MAGI2: variants seen among roughly 807,000 people sequenced by gnomAD.
MAGI2 encodes the protein membrane associated guanylate kinase, WW and PDZ domain containing 2, also known as membrane-associated guanylate kinase, WW and PDZ domain-containing protein 2.
Under a neutral mutation model 133.3 loss-of-function variants are expected in MAGI2, and 35 were observed. The ratio of observed to expected loss-of-function variants is 0.26; its 90% confidence interval spans 0.20 to 0.35. MAGI2 has a LOEUF of 0.35. Ranked by LOEUF, MAGI2 falls within the 10% of genes least tolerant of loss-of-function variation. MAGI2 has a pLI of 1.00. For missense variants in MAGI2, 1,636 were observed against 1,863.4 expected (o/e 0.88, Z 2.25); for synonymous variants, 729 against 710.6 (o/e 1.03, Z -0.41).
chr7:79,382,714 C>T (rs1345665362), intron 1 of MAGI2, among the ~76,000 whole-genome samples: 1 of 151,498 alleles, frequency 6.6e-6, no homozygotes, highest in South Asian at 2.1e-4. Context: ...AATAAATATA[C>T]GTTGACAATA....
chr7:79,289,753 C>A (rs1482227141), intron 1 of MAGI2, among the ~76,000 whole-genome samples: 1 of 152,104 alleles, frequency 6.6e-6, no homozygotes, highest in African/African-American at 2.4e-5. Context: ...GCAGTTAGAG[C>A]AGGAAATCTG....
At chr7:78,959,204 G>A (rs551887522) in intron 2 of MAGI2, among the ~76,000 whole-genome samples, 3 of 152,096 alleles carry the variant, frequency 2.0e-5, no homozygotes, top group Non-Finnish European at 4.4e-5. Context: ...AGACACCTTA[G>A]GCAACTCAGC....
At chr7:78,898,572 A>G (rs1797382447) in intron 2 of MAGI2, among the ~76,000 whole-genome samples, 2 of 152,198 alleles carry the variant, frequency 1.3e-5, no homozygotes, top group South Asian at 4.1e-4. Context: ...CAAATACTGC[A>G]TATTCTCACT....
At chr7:78,204,827 A>G (rs1251952817) in intron 10 of MAGI2, among the ~76,000 whole-genome samples, 1 of 152,240 alleles carries the variant, frequency 6.6e-6, no homozygotes, top group Non-Finnish European at 1.5e-5. Flanking sequence ...GAATAAATGG[A>G]AAAATTTAGA....
intron 3 of MAGI2, among the ~76,000 whole-genome samples, chr7:78,606,822 C>A (rs1002918210): frequency 3.1e-5 from 3 of 97,142 alleles, no homozygotes; most frequent in Non-Finnish European, 4.9e-5. Flanking sequence ...GTTTACCATG[C>A]CCTCCCACAA....
At chr7:78,307,943 AAAT>A (rs1163887514) in intron 9 of MAGI2, among the ~76,000 whole-genome samples, 4 of 152,164 alleles carry the variant, frequency 2.6e-5, no homozygotes, top group Non-Finnish European at 5.9e-5. Context: ...CAGCTAGGTG[AAAT>A]AATAAGGGAC....
At chr7:78,073,436 T>C (rs890940349) in intron 21 of MAGI2, among the ~76,000 whole-genome samples, 1 of 151,996 alleles carries the variant, frequency 6.6e-6, no homozygotes, top group Non-Finnish European at 1.5e-5. Flanking sequence ...CACTTACAAC[T>C]GGACTCTCTT....
intron 2 of MAGI2, among the ~76,000 whole-genome samples, chr7:78,758,684 T>A (rs950308970): frequency 6.6e-6 from 1 of 152,168 alleles, no homozygotes; most frequent in Non-Finnish European, 1.5e-5. Flanking sequence ...GCTCTACACA[T>A]TGCCTCATAT....
chr7:78,443,712 G>A (rs568785013), intron 6 of MAGI2, among the ~76,000 whole-genome samples: 1 of 151,954 alleles, frequency 6.6e-6, no homozygotes, highest in Admixed American at 6.6e-5. Flanking sequence ...TAAAACATCC[G>A]ATAATTTTCT....
chr7:78,389,081 A>T (rs998556547), intron 6 of MAGI2, among the ~76,000 whole-genome samples: 1 of 152,356 alleles, frequency 6.6e-6, no homozygotes, highest in Middle Eastern at 3.4e-3. Context: ...TAGACAAAGG[A>T]TATTTTCCAG....
chr7:78,660,775 C>T (rs1283260367), intron 2 of MAGI2, among the ~76,000 whole-genome samples: 1 of 152,144 alleles, frequency 6.6e-6, no homozygotes, highest in Admixed American at 6.6e-5. Context: ...TCCACCTCCC[C>T]ACTGTAATTG....
chr7:79,066,885 T>C (rs35452430), intron 1 of MAGI2, among the ~76,000 whole-genome samples: 5 of 152,188 alleles, frequency 3.3e-5, no homozygotes, highest in African/African-American at 1.2e-4. Context: ...CCATTGCTTG[T>C]TTTTGTCATA....
intron 17 of MAGI2, 47 bp downstream of exon 17, chr7:78,134,974 T>C: frequency 1.6e-5 from 25 of 1,557,462 alleles, no homozygotes; most frequent in Non-Finnish European, 2.2e-5. Flanking sequence ...CCGGTGAGTG[T>C]GTCCATGTGT....
intron 1 of MAGI2, among the ~76,000 whole-genome samples, chr7:79,024,628 A>G (rs1012383750): frequency 6.6e-6 from 1 of 152,206 alleles, no homozygotes; most frequent in African/African-American, 2.4e-5. Flanking sequence ...TCTCATATCC[A>G]GAGTCTGTAA....
At chr7:79,428,507 C>G (rs890180926) in intron 1 of MAGI2, among the ~76,000 whole-genome samples, 1 of 152,072 alleles carries the variant, frequency 6.6e-6, no homozygotes, top group African/African-American at 2.4e-5. Context: ...GGATCAAATG[C>G]TTTGGACTAT....
At chr7:78,372,229 G>C (rs1793991989) in intron 6 of MAGI2, among the ~76,000 whole-genome samples, 2 of 151,020 alleles carry the variant, frequency 1.3e-5, no homozygotes, top group African/African-American at 4.8e-5. Flanking sequence ...AAAAAGACAA[G>C]TCATCAAAAA....
At chr7:78,589,564 T>G (rs1230829118) in intron 3 of MAGI2, among the ~76,000 whole-genome samples, 1 of 152,196 alleles carries the variant, frequency 6.6e-6, no homozygotes, top group Non-Finnish European at 1.5e-5. Context: ...GAATCTGCTT[T>G]CCGACCCTAA....
intron 1 of MAGI2, among the ~76,000 whole-genome samples, chr7:79,310,530 G>T (rs1838201853): frequency 6.6e-6 from 1 of 152,132 alleles, no homozygotes; most frequent in Non-Finnish European, 1.5e-5. Flanking sequence ...TGGGGACCAA[G>T]CTTTCAGCCT....
At chr7:78,821,901 G>A (rs1790160738) in intron 2 of MAGI2, among the ~76,000 whole-genome samples, 1 of 152,012 alleles carries the variant, frequency 6.6e-6, no homozygotes, top group Admixed American at 6.5e-5. Flanking sequence ...TGTAGGCAAT[G>A]TCATTACCTT....
Sources: gnomAD v4.1 joint callset for allele counts (sites outside exome capture counted in the v4.1 genomes callset) on GRCh38, gnomAD v4.1.1 for gene constraint, MANE v1.5 for transcripts, NCBI Gene and HGNC (gene_info 2026-07-23, HGNC 2026-07-21) for gene names.